CFAP20DC: variants seen among roughly 807,000 people sequenced by gnomAD.
The protein encoded by CFAP20DC is CFAP20 domain containing, also known as protein CFAP20DC.
A neutral mutation model predicts 101.7 loss-of-function variants in CFAP20DC; 84 were observed. The observed-to-expected ratio is 0.83, with a 90% CI of 0.69 to 0.99. The LOEUF is 0.99. CFAP20DC is among the 50% of genes least tolerant of loss of function. CFAP20DC has a pLI of 0.00. For synonymous variants in CFAP20DC, 359 were observed against 351.2 expected, an observed-to-expected ratio of 1.02 and a Z score of -0.25; for missense variants, 1,007 against 970.3, an observed-to-expected ratio of 1.04 and a Z score of -0.50.
In CFAP20DC at chr3:59,046,379, A is replaced by G. The variant is rs1423244433; in HGVS notation, c.112-57T>C. 1.7e-5 allele frequency: 19 copies of G among 1,120,282 alleles called. No individual in the cohort carries two copies. The East Asian group carries it at 4.9e-4, about 29-fold the overall frequency. The allele number at this position is 1,120,282 out of a possible 1,614,324, so 69.4% of individuals were successfully genotyped here. On this transcript the variant is annotated intron_variant, in intron 2 of 16. Transcript: ENST00000482387. The stretch of plus-strand genomic sequence containing the variant: ...CAGGATATTTTATTTGGCTTCTACT[A>G]TAAAATTGAAACTTCAGATCTACAG...
intron 4 of CFAP20DC, among the ~76,000 whole-genome samples, chr3:58,965,028 T>A (rs1445054279): frequency 6.6e-6 from 1 of 152,224 alleles, no homozygotes; most frequent in African/African-American, 2.4e-5. Flanking sequence ...TTGCATTTAT[T>A]TGTGTTTCAT....
intron 13 of CFAP20DC, among the ~76,000 whole-genome samples, chr3:58,841,869 G>GACTT (rs1252698232): frequency 4.6e-5 from 7 of 152,214 alleles, no homozygotes; most frequent in Non-Finnish European, 1.0e-4. Flanking sequence ...TGTTATATAA[G>GACTT]TCTTTTGTTT....
intron 14 of CFAP20DC, among the ~76,000 whole-genome samples, chr3:58,818,110 A>C: frequency 6.6e-6 from 1 of 150,692 alleles, no homozygotes; most frequent in East Asian, 2.0e-4. Flanking sequence ...TGTCACCACC[A>C]GGCCTGCCCT....
chr3:58,862,738 AGAAAAGC>A, intron 12 of CFAP20DC: 6 of 970,292 alleles, frequency 6.2e-6, no homozygotes, highest in Non-Finnish European at 7.4e-6. Context: ...ATTTCTATAT[AGAAAAGC>A]TTTGTACATT....
In CFAP20DC at chr3:58,863,149, T is replaced by A. The variant is rs2079391659; in HGVS notation, c.1593+409A>T. 3 of 1,068,770 alleles carry A rather than the reference T, an allele frequency of 2.8e-6. No homozygotes were observed. The highest frequency in any genetic ancestry group is 3.4e-6 in the Non-Finnish European group (3 of 885,404). 66.2% of individuals were successfully genotyped at this position (1,068,770 alleles called of 1,614,324 possible). A position where few individuals can be genotyped will look rare whatever the true frequency, so the allele number is the denominator to read the frequency against. Reference sequence around the variant, plus strand: ...CTAAGGTGAAAAGATGGCAGGGGAGTAAGGAAGCCAGAAAACCATCAATTT... The same window carrying A: ...CTAAGGTGAAAAGATGGCAGGGGAGAAAGGAAGCCAGAAAACCATCAATTT... On this transcript the variant is annotated intron_variant, in intron 12 of 16. Coordinates refer to ENST00000482387, the MANE Select transcript of CFAP20DC (RefSeq NM_001394063.1). The surrounding 1 kb of genome is among the most constrained non-coding windows in gnomAD (Gnocchi z 5.9).
chr3:59,012,211 A>G (rs1040339660), intron 4 of CFAP20DC, among the ~76,000 whole-genome samples: 1 of 152,238 alleles, frequency 6.6e-6, no homozygotes, highest in African/African-American at 2.4e-5. Flanking sequence ...AACGCCTTAA[A>G]GATAAGTCAG....
chr3:58,806,431 T>A lies in CFAP20DC; in HGVS notation c.2201A>T (p.Gln734Leu). The A allele has an allele frequency of 6.2e-7, 1 of 1,612,378 alleles. No homozygotes were observed. Among genetic ancestry groups the A allele is most frequent in the Non-Finnish European group, 8.5e-7 (1 of 1,178,374 alleles). The change falls in exon 15 of 17, where the codon CAG becomes CTG. Residue 734 changes from glutamine to leucine, a missense_variant. Transcript: ENST00000482387. ...PPPVNQGRHY[Q>L]KEMNPPSPSN... is the part of the protein sequence containing the mutation. ...AGGAGAAGGTGGGTTCATTTCTTTC[T>A]GATAGTGGCGACCCTGGTTGACAGG...
chr3:58,928,114 T>A (rs1353959750), intron 5 of CFAP20DC, among the ~76,000 whole-genome samples: 2 of 152,200 alleles, frequency 1.3e-5, no homozygotes, highest in South Asian at 2.1e-4. Flanking sequence ...CAATAAACAT[T>A]TATTGATCAC....
At chr3:58,782,510 T>C (rs535441221) in intron 15 of CFAP20DC, among the ~76,000 whole-genome samples, 68 of 152,034 alleles carry the variant, frequency 4.5e-4, no homozygotes, top group Non-Finnish European at 8.7e-4. Context: ...TTGCTAATGA[T>C]ATAATCTTAA....
rs546992394 is a variant in CFAP20DC, at chr3:58,815,250, A to C, written c.2176-8794T>G. Among the ~76,000 whole-genome samples the C allele has an allele frequency of 7.8e-3, 1,168 of 149,380 alleles. 25 individuals carry two copies. Among genetic ancestry groups the C allele is most frequent in the African/African-American group, 0.028 (1,133 of 40,534 alleles). On this transcript the variant is annotated intron_variant, in intron 14 of 16. Coordinates refer to ENST00000482387, the MANE Select transcript of CFAP20DC (RefSeq NM_001394063.1). ...TTTGACAAACCTGAGAAAAACAAGCAATGGGGAAAGGATTCCCTATTTAAT... is the reference window on the plus strand; with the variant it reads ...TTTGACAAACCTGAGAAAAACAAGCCATGGGGAAAGGATTCCCTATTTAAT...
chr3:58,762,449 T>A (rs56919162), intron 15 of CFAP20DC, among the ~76,000 whole-genome samples: 8,427 of 152,210 alleles, frequency 0.055, 516 homozygotes, highest in East Asian at 0.35. Context: ...ATGAGATGGG[T>A]TTCCTGAATA....
chr3:58,737,518 TAGACAA>T (rs1291784639), downstream of CFAP20DC, among the ~76,000 whole-genome samples: 14 of 152,158 alleles, frequency 9.2e-5, no homozygotes, highest in Non-Finnish European at 1.6e-4. This position sits in a 1 kb window ranked among gnomAD's most constrained non-coding sequence, Gnocchi z 4.1. Context: ...AAGAGTTCTG[TAGACAA>T]ATTGGAGAAG....
intron 13 of CFAP20DC, among the ~76,000 whole-genome samples, chr3:58,847,592 T>A (rs1289403671): frequency 5.3e-5 from 8 of 152,240 alleles, no homozygotes; most frequent in Middle Eastern, 3.4e-3. Context: ...GTTCAACCGT[T>A]GTGGAAGTCA....
At chr3:58,746,882 C>T (rs1307596982) in intron 16 of CFAP20DC, among the ~76,000 whole-genome samples, 2 of 152,058 alleles carry the variant, frequency 1.3e-5, no homozygotes, top group Non-Finnish European at 2.9e-5. Context: ...CATCATTTTG[C>T]CATTATAATC....
intron 6 of CFAP20DC, among the ~76,000 whole-genome samples, chr3:58,896,212 T>C (rs957525130): frequency 6.6e-6 from 1 of 152,206 alleles, no homozygotes; most frequent in Non-Finnish European, 1.5e-5. Context: ...TGATGGTTGT[T>C]TGCAATTTTG....
In CFAP20DC at chr3:58,882,078, C is replaced by A. The variant is rs1325505854; in HGVS notation, c.715+2467G>T. 2.0e-5 allele frequency among the ~76,000 whole-genome samples: 3 copies of A among 152,120 alleles called. No homozygotes were observed. The highest frequency in any genetic ancestry group is 4.4e-5 in the Non-Finnish European group (3 of 67,980). The stretch of plus-strand genomic sequence containing the variant: ...ATGAGATTTATTTAAGAAGTGCAAT[C>A]ATAAACCCTATGGTTACAAACGAAT... On this transcript the variant is annotated intron_variant, in intron 7 of 16. Transcript: ENST00000482387. The surrounding 1 kb of genome is among the most constrained non-coding windows in gnomAD (Gnocchi z 4.2).
chr3:59,037,007 A>G (rs1335818650), intron 4 of CFAP20DC, among the ~76,000 whole-genome samples: 1 of 152,190 alleles, frequency 6.6e-6, no homozygotes, highest in Non-Finnish European at 1.5e-5. Context: ...TTTTTGACAA[A>G]CCTGACAAAA....
chr3:58,737,275 C>T (rs1409761144), downstream of CFAP20DC: 1 of 456,012 alleles, frequency 2.2e-6, no homozygotes, highest in Non-Finnish European at 4.4e-6. The surrounding 1 kb of genome is among the most constrained non-coding windows in gnomAD (Gnocchi z 4.1). Flanking sequence ...ATTCCACTAA[C>T]CACCCCCCAC....
rs746398064 is a variant in CFAP20DC, at chr3:58,849,114, G to T, written c.1889C>A (p.Ala630Asp). 4.6e-5 allele frequency: 71 copies of T among 1,536,086 alleles called. 2 individuals are homozygous for T. The Middle Eastern group carries it at 8.4e-4, about 18-fold the overall frequency. ...GTTTAGTGAAGCTGGCACTTGCTGG[G>T]CTGATAGATCCTTCGCTTTGATTAC... Reference protein sequence around the residue: ...EPVIKAKDLSAQQVPASLNKT... With the variant: ...EPVIKAKDLSDQQVPASLNKT... Residue 630 changes from alanine (A) to aspartate (D), a missense_variant, in exon 13 of 17, where the codon GCC (alanine) becomes GAC (aspartate). Transcript: ENST00000482387.
Sources: gnomAD v4.1 joint callset for allele counts (sites outside exome capture counted in the v4.1 genomes callset) on GRCh38, gnomAD v4.1.1 for gene constraint, Gnocchi (gnomAD v3.1) non-coding constraint, MANE v1.5 for transcripts, NCBI Gene and HGNC (gene_info 2026-07-23, HGNC 2026-07-21) for gene names.